Variants in CHCHD6 observed in about 807,000 individuals in gnomAD.
The protein encoded by CHCHD6 is MICOS complex subunit MIC25.
Under a neutral mutation model 32.3 loss-of-function variants are expected in CHCHD6, and 28 were observed. That is an observed-to-expected ratio of 0.87 (90% CI 0.64 to 1.19). The LOEUF is 1.19. Ranked by LOEUF, CHCHD6 falls within the 50% of genes most tolerant of loss-of-function variation. The probability of loss-of-function intolerance (pLI) is 0.00; values close to 1 mark genes in which losing one functional copy is unlikely to be tolerated. For synonymous variants in CHCHD6, 122 were observed against 117.5 expected, an observed-to-expected ratio of 1.04 and a Z score of -0.25; for missense variants, 333 against 307.0, an observed-to-expected ratio of 1.08 and a Z score of -0.63.
chr3:126,862,693 T>A (rs1446829214), intron 5 of CHCHD6, among the ~76,000 whole-genome samples: 3 of 66,748 alleles, frequency 4.5e-5, no homozygotes, highest in Admixed American at 1.6e-4. Flanking sequence ...CTCCCCCTCC[T>A]CCACCATCAC....
chr3:126,706,571 C>A (rs758265143), intron 1 of CHCHD6, among the ~76,000 whole-genome samples: 91 of 152,166 alleles, frequency 6.0e-4, no homozygotes, highest in Non-Finnish European at 1.0e-3. Context: ...TCCAGCTGGG[C>A]AAACTAATCA....
intron 5 of CHCHD6, among the ~76,000 whole-genome samples, chr3:126,894,342 CT>C (rs2077807480): frequency 6.6e-6 from 1 of 152,218 alleles, no homozygotes; most frequent in African/African-American, 2.4e-5. Context: ...AGTCCATGGT[CT>C]TTTTTGTGAA....
chr3:126,784,472 C>T (rs1466307593), intron 4 of CHCHD6, among the ~76,000 whole-genome samples: 1 of 152,162 alleles, frequency 6.6e-6, no homozygotes, highest in South Asian at 2.1e-4. Context: ...CCCCCACTGC[C>T]TTGCTGCTGC....
intron 5 of CHCHD6, among the ~76,000 whole-genome samples, chr3:126,859,846 T>A (rs1941796618): frequency 6.6e-6 from 1 of 152,202 alleles, no homozygotes; most frequent in African/African-American, 2.4e-5. Context: ...ATGCTGCCTG[T>A]CAGAGACATT....
At chr3:126,788,838 C>A (rs1474004778) in intron 4 of CHCHD6, among the ~76,000 whole-genome samples, 1 of 152,066 alleles carries the variant, frequency 6.6e-6, no homozygotes. Flanking sequence ...CTGCTCTGAT[C>A]TTAGTTATTT....
intron 4 of CHCHD6, among the ~76,000 whole-genome samples, chr3:126,759,603 T>C (rs1386952837): frequency 1.3e-5 from 2 of 152,210 alleles, no homozygotes; most frequent in African/African-American, 4.8e-5. Context: ...TGGATTTTTC[T>C]GATCTTTTCC....
intron 4 of CHCHD6, among the ~76,000 whole-genome samples, chr3:126,817,917 A>G (rs527423088): frequency 6.6e-6 from 1 of 152,242 alleles, no homozygotes; most frequent in South Asian, 2.1e-4. Flanking sequence ...CCTGGGGGCT[A>G]TAGAGTGTGC....
intron 6 of CHCHD6, among the ~76,000 whole-genome samples, chr3:126,953,594 T>TA (rs1483448464): frequency 9.2e-5 from 14 of 152,230 alleles, no homozygotes; most frequent in African/African-American, 3.1e-4. Context: ...GCAATTCTGT[T>TA]CTTCTATGGG....
In CHCHD6 at chr3:126,704,419, C is replaced by T. The variant is rs752301163; in HGVS notation, c.87+20C>T. 9.3e-5 allele frequency: 139 copies of T among 1,493,508 alleles called. No individual in the cohort carries two copies. The Middle Eastern group carries it at 1.2e-3, about 13-fold the overall frequency. 92.5% of individuals were successfully genotyped at this position (1,493,508 alleles called of 1,614,324 possible). ...GTCCGGGTGAGCGGCGCCGCCTGGG[C>T]CGGGGCGGGCGTGGAGGCCGCGGGC... On this transcript the variant is annotated intron_variant, in intron 1 of 7. Transcript: ENST00000290913.
chr3:126,832,659 G>C (rs1455021974), intron 4 of CHCHD6, among the ~76,000 whole-genome samples: 1 of 152,136 alleles, frequency 6.6e-6, no homozygotes, highest in Non-Finnish European at 1.5e-5. Flanking sequence ...GAGTCTTTTG[G>C]TTCTTAGAAT....
At chr3:126,865,371 C>T (rs1280537059) in intron 5 of CHCHD6, among the ~76,000 whole-genome samples, 1 of 151,946 alleles carries the variant, frequency 6.6e-6, no homozygotes, top group Non-Finnish European at 1.5e-5. Flanking sequence ...ACCACCACCA[C>T]CACCATTTCT....
intron 5 of CHCHD6, among the ~76,000 whole-genome samples, chr3:126,873,602 G>A (rs895357193): frequency 5.3e-5 from 8 of 152,188 alleles, no homozygotes; most frequent in African/African-American, 1.2e-4. Context: ...CTGGAGTGCC[G>A]TGATAAGAAC....
intron 5 of CHCHD6, among the ~76,000 whole-genome samples, chr3:126,862,504 C>T (rs111211344): frequency 0.036 from 2,701 of 74,060 alleles, 3 homozygotes; most frequent in South Asian, 0.1. Context: ...CACCACCTCC[C>T]CCTCCTCCAC....
intron 5 of CHCHD6, among the ~76,000 whole-genome samples, chr3:126,867,974 CTG>C (rs1482680720): frequency 8.5e-5 from 13 of 152,358 alleles, no homozygotes; most frequent in African/African-American, 2.9e-4. Context: ...CTACAGGGCT[CTG>C]TGATCTGGGC....
chr3:126,773,867 A>G (rs1041113477), intron 4 of CHCHD6, among the ~76,000 whole-genome samples: 1 of 151,880 alleles, frequency 6.6e-6, no homozygotes, highest in African/African-American at 2.4e-5. Context: ...CGGCCTCCCA[A>G]AGTGCTGGGA....
At chr3:126,805,300 C>A (rs1939310072) in intron 4 of CHCHD6, among the ~76,000 whole-genome samples, 1 of 152,144 alleles carries the variant, frequency 6.6e-6, no homozygotes, top group African/African-American at 2.4e-5. Flanking sequence ...ATCTAGAAAA[C>A]CCCATCATCT....
intron 5 of CHCHD6, among the ~76,000 whole-genome samples, chr3:126,859,269 G>A (rs544080313): frequency 1.3e-5 from 2 of 152,154 alleles, no homozygotes; most frequent in Non-Finnish European, 2.9e-5. Flanking sequence ...TCAGTGGGCC[G>A]CATGCAGGGC....
At chr3:126,945,601 G>C (rs188661716) in intron 6 of CHCHD6, among the ~76,000 whole-genome samples, 283 of 136,588 alleles carry the variant, frequency 2.1e-3, no homozygotes, top group Non-Finnish European at 3.7e-3. Flanking sequence ...TGATGGGGGA[G>C]ACTCGGTGTG....
intron 5 of CHCHD6, among the ~76,000 whole-genome samples, chr3:126,905,097 G>C (rs943071067): frequency 1.3e-5 from 2 of 152,164 alleles, no homozygotes. Context: ...CATCCAGAAC[G>C]AGCCAAGAAA....
Sources: allele counts gnomAD v4.1 joint callset (sites outside exome capture counted in the v4.1 genomes callset), GRCh38; gene constraint gnomAD v4.1.1; transcripts MANE v1.5; gene names NCBI Gene and HGNC (gene_info 2026-07-23, HGNC 2026-07-21).